ARHGAP24: variants seen among roughly 807,000 people sequenced by gnomAD.
ARHGAP24 encodes Rho GTPase activating protein 24.
A neutral mutation model predicts 76.4 loss-of-function variants in ARHGAP24; 50 were observed. The ratio of observed to expected loss-of-function variants is 0.65; its 90% CI spans 0.52 to 0.83. The LOEUF (loss-of-function observed/expected upper bound fraction) is 0.83. Among genes scored for constraint, ARHGAP24 ranks in the 40% least tolerant of loss-of-function variants. ARHGAP24 has a pLI of 0.00. For synonymous variants in ARHGAP24, 345 were observed against 323.3 expected (o/e 1.07, Z -0.72); for missense variants, 930 against 914.2 (o/e 1.02, Z -0.22).
chr4:85,611,071 AAAT>A (rs1560551968), intron 2 of ARHGAP24, among the ~76,000 whole-genome samples: 1 of 152,212 alleles, frequency 6.6e-6, no homozygotes, highest in Admixed American at 6.5e-5. Flanking sequence ...AAATAATAAA[AAAT>A]AAGTTTTATT....
intron 1 of ARHGAP24, among the ~76,000 whole-genome samples, chr4:85,531,977 G>C (rs991946410): frequency 1.3e-5 from 2 of 152,050 alleles, no homozygotes; most frequent in African/African-American, 4.8e-5. Flanking sequence ...AGGGTAAACT[G>C]TCTATAGAGT....
intron 3 of ARHGAP24, among the ~76,000 whole-genome samples, chr4:85,784,231 T>G (rs1048825400): frequency 1.3e-5 from 2 of 152,114 alleles, no homozygotes; most frequent in African/African-American, 4.8e-5. Flanking sequence ...CTTGAAATAG[T>G]TCTGTCTTTT....
intron 3 of ARHGAP24, among the ~76,000 whole-genome samples, chr4:85,894,233 G>C (rs1335959175): frequency 6.6e-6 from 1 of 152,030 alleles, no homozygotes; most frequent in Non-Finnish European, 1.5e-5. Context: ...AGAGAGAAGA[G>C]AGGGAGATGT....
chr4:85,793,176 T>C (rs1728202568), intron 3 of ARHGAP24, among the ~76,000 whole-genome samples: 1 of 152,174 alleles, frequency 6.6e-6, no homozygotes, highest in Non-Finnish European at 1.5e-5. Context: ...ATGGAATTTA[T>C]TGGCTTTAGG....
intron 2 of ARHGAP24, among the ~76,000 whole-genome samples, chr4:85,637,398 A>C (rs1159523853): frequency 1.3e-5 from 2 of 152,110 alleles, no homozygotes; most frequent in Non-Finnish European, 2.9e-5. Context: ...TAGGTGTTTT[A>C]GGTTAATTGA....
intron 3 of ARHGAP24, chr4:85,828,010 C>G (rs1304287173): frequency 7.8e-7 from 1 of 1,274,188 alleles, no homozygotes; most frequent in African/African-American, 1.5e-5. Flanking sequence ...AATTTGGAGA[C>G]AAATTGCCAG....
chr4:85,860,963 G>T, intron 3 of ARHGAP24, among the ~76,000 whole-genome samples: 1 of 149,934 alleles, frequency 6.7e-6, no homozygotes, highest in Admixed American at 6.7e-5. Flanking sequence ...GATTTTCTCA[G>T]TCCCTTATAA....
intron 2 of ARHGAP24, chr4:85,686,528 T>C (rs1723427843): frequency 6.6e-6 from 1 of 152,146 alleles, no homozygotes; most frequent in Admixed American, 6.5e-5. Flanking sequence ...ATCTTCCAAA[T>C]TAAATTCTGG....
intron 1 of ARHGAP24, among the ~76,000 whole-genome samples, chr4:85,566,670 A>G (rs1020710379): frequency 1.3e-5 from 2 of 152,328 alleles, no homozygotes; most frequent in African/African-American, 4.8e-5. Context: ...ACTGGGTATC[A>G]CTGGGTATGC....
chr4:85,667,646 C>G lies in ARHGAP24; in HGVS notation c.181-54239C>G, dbSNP rs373085467. Among the ~76,000 whole-genome samples the G allele has an allele frequency of 2.0e-5, 3 of 152,152 alleles. No homozygotes were observed. In the East Asian group the frequency reaches 5.8e-4, roughly 29 times the overall value. On this transcript the variant is annotated intron_variant, in intron 2 of 9. Coordinates refer to ENST00000395184, the MANE Select transcript of ARHGAP24 (RefSeq NM_001025616.3). The stretch of plus-strand genomic sequence containing the variant: ...GTTCCTATTCGGCCATCTTGGCTGC[C>G]ACGCACTTTTTTGTTTATCCTCTGT...
intron 3 of ARHGAP24, among the ~76,000 whole-genome samples, chr4:85,763,657 T>G (rs915124235): frequency 2.0e-5 from 3 of 152,156 alleles, no homozygotes; most frequent in African/African-American, 7.2e-5. Flanking sequence ...TTTTGAAGAG[T>G]GAAAATGTTT....
At chr4:85,977,462 A>AT (rs1333977278) in intron 7 of ARHGAP24, 108 bp from the exon 8 acceptor site, 1 of 1,268,500 alleles carries the variant, frequency 7.9e-7, no homozygotes, top group African/African-American at 1.5e-5. Flanking sequence ...CTGTCTCCAT[A>AT]GTCATCTTTG....
In ARHGAP24 at chr4:85,845,428, C is replaced by G. The variant is rs116819258; in HGVS notation, c.269-78220C>G. ...TCAAAGTTACATAGCTAGTAAGTAG[C>G]AGTGTCTCATCCTAACTGAAGTCTT... On this transcript the variant is annotated intron_variant, in intron 3 of 9. Coordinates refer to ENST00000395184, the MANE Select transcript of ARHGAP24 (RefSeq NM_001025616.3). Among the ~76,000 whole-genome samples the G allele has an allele frequency of 5.7e-3, 875 of 152,252 alleles. 5 individuals carry two copies. The highest frequency in any genetic ancestry group is 0.02 in the African/African-American group (827 of 41,548).
chr4:85,657,742 A>G (rs1226511063), intron 2 of ARHGAP24, among the ~76,000 whole-genome samples: 1 of 152,188 alleles, frequency 6.6e-6, no homozygotes, highest in East Asian at 1.9e-4. Context: ...ATTTTATGAA[A>G]TGCCACAACT....
At chr4:85,970,459 G>A (rs796280418) in intron 5 of ARHGAP24, among the ~76,000 whole-genome samples, 28 of 152,218 alleles carry the variant, frequency 1.8e-4, no homozygotes, top group African/African-American at 6.3e-4. Context: ...CAAGTAGTGA[G>A]CAGGCTAGAA....
intron 3 of ARHGAP24, among the ~76,000 whole-genome samples, chr4:85,750,169 G>A (rs963723590): frequency 2.8e-4 from 43 of 152,052 alleles, no homozygotes; most frequent in Non-Finnish European, 1.0e-4. Flanking sequence ...ATAAATAATC[G>A]TCAGTTAATG....
intron 3 of ARHGAP24, among the ~76,000 whole-genome samples, chr4:85,781,123 T>G (rs1053202797): frequency 1.3e-5 from 2 of 152,222 alleles, no homozygotes; most frequent in African/African-American, 4.8e-5. Context: ...TTCTTCTGTG[T>G]GGAGATTATG....
At chr4:85,643,982 C>G (rs1269961780) in intron 2 of ARHGAP24, among the ~76,000 whole-genome samples, 6 of 152,070 alleles carry the variant, frequency 3.9e-5, no homozygotes, top group Admixed American at 3.9e-4. Context: ...AAAGATGATG[C>G]CTTTGACTTC....
At chr4:85,495,022 G>C (rs1223342738) in intron 1 of ARHGAP24, among the ~76,000 whole-genome samples, 3 of 150,578 alleles carry the variant, frequency 2.0e-5, no homozygotes, top group African/African-American at 7.3e-5. Context: ...ATGAACCCGG[G>C]AGGCGGAGCT....
Sources: allele counts gnomAD v4.1 joint callset (sites outside exome capture counted in the v4.1 genomes callset), GRCh38; gene constraint gnomAD v4.1.1; transcripts MANE v1.5; gene names NCBI Gene and HGNC (gene_info 2026-07-23, HGNC 2026-07-21).